The following RGS6 variants were observed in gnomAD, a reference collection of about 807,000 sequenced individuals.
RGS6 encodes regulator of G-protein signaling 6.
RGS6 carries 30 observed loss-of-function variants against 78.5 expected under a neutral mutation model. The ratio of observed to expected loss-of-function variants is 0.38; its 90% CI spans 0.29 to 0.52. The LOEUF (loss-of-function observed/expected upper bound fraction) is 0.52, where lower values mean the gene tolerates loss of function less well. RGS6 is among the 20% of genes least tolerant of loss of function. The probability of loss-of-function intolerance (pLI) is 0.85; values close to 1 mark genes in which losing one functional copy is unlikely to be tolerated. For synonymous variants in RGS6, 206 were observed against 206.0 expected, an observed-to-expected ratio of 1.00 and a Z score of 0.00; for missense variants, 495 against 609.7, an observed-to-expected ratio of 0.81 and a Z score of 1.98.
chr14:72,239,445 C>A (rs1440388640), intron 2 of RGS6, among the ~76,000 whole-genome samples: 1 of 152,222 alleles, frequency 6.6e-6, no homozygotes. Flanking sequence ...TTGTCTCTCC[C>A]TGGTGCCCTT....
At chr14:72,460,264 G>A (rs2095745034) in intron 6 of RGS6, among the ~76,000 whole-genome samples, 1 of 152,202 alleles carries the variant, frequency 6.6e-6, no homozygotes, top group Non-Finnish European at 1.5e-5. Context: ...TCTCAGTGGA[G>A]ATTATTTAAT....
At chr14:72,309,297 A>C (rs2067997357) in intron 2 of RGS6, among the ~76,000 whole-genome samples, 1 of 152,230 alleles carries the variant, frequency 6.6e-6, no homozygotes, top group Non-Finnish European at 1.5e-5. Context: ...TACAAGCCAA[A>C]GTAGGAAGAA....
chr14:72,009,225 C>T (rs2085192468), intron 2 of RGS6, among the ~76,000 whole-genome samples: 1 of 152,134 alleles, frequency 6.6e-6, no homozygotes, highest in Non-Finnish European at 1.5e-5. Flanking sequence ...GTAGTGTGCA[C>T]CTGTAGTCCT....
intron 15 of RGS6, among the ~76,000 whole-genome samples, chr14:72,531,728 T>C (rs1250962184): frequency 6.6e-6 from 1 of 152,260 alleles, no homozygotes; most frequent in Non-Finnish European, 1.5e-5. Flanking sequence ...AATTTTGATA[T>C]ATGTATACAT....
chr14:72,457,581 C>A (rs1566895880), intron 4 of RGS6, among the ~76,000 whole-genome samples: 1 of 152,140 alleles, frequency 6.6e-6, no homozygotes, highest in Admixed American at 6.5e-5. Flanking sequence ...CCATGCCCGA[C>A]CTATATTCTC....
At chr14:72,027,523 G>T (rs1251993380) in intron 2 of RGS6, among the ~76,000 whole-genome samples, 1 of 149,700 alleles carries the variant, frequency 6.7e-6, no homozygotes, top group East Asian at 2.0e-4. Flanking sequence ...TCCCATAAAT[G>T]AAGTGGTTTT....
chr14:72,032,414 G>T (rs1450043882), intron 2 of RGS6, among the ~76,000 whole-genome samples: 1 of 152,100 alleles, frequency 6.6e-6, no homozygotes, highest in Non-Finnish European at 1.5e-5. Flanking sequence ...GCATATCTTT[G>T]ATTATCAATA....
At chr14:71,872,174 C>G in the RGS6 span, among the ~76,000 whole-genome samples, 2 of 152,180 alleles carry the variant, frequency 1.3e-5, no homozygotes, top group African/African-American at 2.4e-5. Context: ...CAGCCACCAA[C>G]TCATGTTCGT....
chr14:72,143,631 A>G (rs943706288), intron 2 of RGS6, among the ~76,000 whole-genome samples: 1 of 152,146 alleles, frequency 6.6e-6, no homozygotes, highest in Non-Finnish European at 1.5e-5. Context: ...ATTAGTGGAC[A>G]CTTCAGCAAA....
chr14:72,605,676 AC>A, the RGS6 span, among the ~76,000 whole-genome samples: 2 of 152,040 alleles, frequency 1.3e-5, no homozygotes, highest in Non-Finnish European at 1.5e-5. Flanking sequence ...GACAGAGTGG[AC>A]CCTCCTGGTC....
intron 3 of RGS6, among the ~76,000 whole-genome samples, chr14:72,405,660 C>A (rs1242394299): frequency 6.6e-6 from 1 of 152,098 alleles, no homozygotes; most frequent in African/African-American, 2.4e-5. Flanking sequence ...TGCCTGTAAC[C>A]CATGTGGCCT....
the RGS6 span, chr14:72,595,161 C>T: frequency 6.6e-6 from 1 of 152,066 alleles, no homozygotes; most frequent in African/African-American, 2.4e-5. Context: ...AGTGGTAAAC[C>T]CTTATGAAAG....
intron 2 of RGS6, among the ~76,000 whole-genome samples, chr14:72,081,472 C>T (rs1028798333): frequency 2.6e-5 from 4 of 152,060 alleles, no homozygotes; most frequent in African/African-American, 9.7e-5. Flanking sequence ...TTTTCCTCCT[C>T]AAATATGTAT....
intron 14 of RGS6, among the ~76,000 whole-genome samples, chr14:72,517,957 A>AG (rs1211870678): frequency 2.0e-5 from 3 of 152,194 alleles, no homozygotes; most frequent in Non-Finnish European, 4.4e-5. Context: ...TAACTTGGGA[A>AG]GGGGGGTTGC....
At chr14:72,163,392 T>C (rs1390937254) in intron 2 of RGS6, among the ~76,000 whole-genome samples, 1 of 152,182 alleles carries the variant, frequency 6.6e-6, no homozygotes, top group African/African-American at 2.4e-5. Flanking sequence ...CAAGTCACAG[T>C]CAACCAGTGA....
At chr14:72,381,892 C>T (rs978417880) in intron 3 of RGS6, among the ~76,000 whole-genome samples, 2 of 151,968 alleles carry the variant, frequency 1.3e-5, no homozygotes, top group African/African-American at 2.4e-5. Flanking sequence ...AGGATATAAA[C>T]GTCCTCTATT....
At chr14:72,208,850 T>C (rs1315451379) in intron 2 of RGS6, among the ~76,000 whole-genome samples, 2 of 152,200 alleles carry the variant, frequency 1.3e-5, no homozygotes, top group Non-Finnish European at 2.9e-5. Flanking sequence ...GAAAGCATAA[T>C]TGCTTTCTCC....
intron 2 of RGS6, among the ~76,000 whole-genome samples, chr14:72,287,523 C>T (rs914370213): frequency 2.0e-5 from 3 of 152,162 alleles, no homozygotes; most frequent in Non-Finnish European, 2.9e-5. Context: ...GTGGCGTGAT[C>T]TAGACTTACT....
At chr14:71,873,553 G>A in the RGS6 span, among the ~76,000 whole-genome samples, 3 of 152,182 alleles carry the variant, frequency 2.0e-5, no homozygotes, top group Non-Finnish European at 4.4e-5. Flanking sequence ...CCCTTTGTCA[G>A]ATGGGTAGAT....
Sources: gnomAD v4.1 joint callset for allele counts (sites outside exome capture counted in the v4.1 genomes callset) on GRCh38, gnomAD v4.1.1 for gene constraint, MANE v1.5 for transcripts, NCBI Gene and HGNC (gene_info 2026-07-23, HGNC 2026-07-21) for gene names.